Variants in ARSK observed in about 807,000 individuals in gnomAD.
The protein encoded by ARSK is arylsulfatase family member K.
ARSK carries 37 observed loss-of-function variants against 53.2 expected under a neutral mutation model. That is an observed-to-expected ratio of 0.70 (90% CI 0.54 to 0.92). The LOEUF is 0.92. Among genes scored for constraint, ARSK ranks in the 40% least tolerant of loss-of-function variants. The pLI, the probability that ARSK is intolerant of heterozygous loss-of-function variation, is 0.00. For synonymous variants in ARSK, 208 were observed against 223.2 expected, an observed-to-expected ratio of 0.93 and a Z score of 0.61; for missense variants, 613 against 643.0, an observed-to-expected ratio of 0.95 and a Z score of 0.51.
chr5:95,601,710 A>G (rs1347020064), intron 7 of ARSK, among the ~76,000 whole-genome samples: 1 of 152,226 alleles, frequency 6.6e-6, no homozygotes, highest in Non-Finnish European at 1.5e-5. Context: ...AATATGTGCT[A>G]AAGCCATAAG....
In ARSK at chr5:95,555,649, TACTG is replaced by T. The variant is rs1361019534; in HGVS notation, c.126+248_126+251del. Among the ~76,000 whole-genome samples, 1 of 152,178 alleles carries T rather than the reference TACTG, an allele frequency of 6.6e-6. No individual in the cohort carries two copies. ...ATCTTTGCAGATCTTTTTTTTTTAA[TACTG>T]ACCTCGATTCGCTAAATTATTTTAC... On this transcript the variant is annotated intron_variant, in intron 1 of 7. Coordinates refer to ENST00000380009, the MANE Select transcript of ARSK (RefSeq NM_198150.3). The surrounding 1 kb of genome is among the most constrained non-coding windows in gnomAD (Gnocchi z 4.0).
In ARSK at chr5:95,583,138, A is replaced by G. The variant is rs772415597; in HGVS notation, c.639A>G (p.Pro213=). ...GLNLPHPYPS[P]SSGENFGSST... ...ATTTACCACACCCTTACCCTTCACC[A>G]TCTTCTGGAGAAAATTTTGGATCTT... Residue 213 remains proline, a synonymous_variant, in exon 4 of 8, where the codon CCA becomes CCG. Transcript: ENST00000380009. 1.2e-6 allele frequency: 2 copies of G among 1,604,364 alleles called. No homozygotes were observed. The highest frequency in any genetic ancestry group is 2.7e-5 in the African/African-American group (2 of 74,766).
chr5:95,569,870 T>C (rs1748795722), intron 3 of ARSK, among the ~76,000 whole-genome samples: 1 of 152,226 alleles, frequency 6.6e-6, no homozygotes, highest in African/African-American at 2.4e-5. Context: ...CTCCAAAATC[T>C]AAAAGATGGC....
Position 95,555,894 on chromosome 5 carries a change from G to C in ARSK, c.126+490G>C, listed in dbSNP as rs1308768073. Among the ~76,000 whole-genome samples the C allele has an allele frequency of 6.6e-6, 1 of 152,182 alleles. No homozygotes were observed. The highest frequency in any genetic ancestry group is 6.5e-5 in the Admixed American group (1 of 15,286). ...TGTTAGTGCTGATTCAAATGGAATC[G>C]TTGGTATAACTTGATTCACTCCCCC... On this transcript the variant is annotated intron_variant, in intron 1 of 7. Coordinates refer to ENST00000380009, the MANE Select transcript of ARSK (RefSeq NM_198150.3). The surrounding 1 kb of genome is among the most constrained non-coding windows in gnomAD (Gnocchi z 4.0).
At chr5:95,588,148 A>G (rs1353911428) in intron 5 of ARSK, among the ~76,000 whole-genome samples, 1 of 152,154 alleles carries the variant, frequency 6.6e-6, no homozygotes, top group Non-Finnish European at 1.5e-5. Flanking sequence ...GAGTGTGGGA[A>G]TACTACTCTT....
At chr5:95,557,493 A>C (rs1186355142) in intron 1 of ARSK, among the ~76,000 whole-genome samples, 1 of 152,218 alleles carries the variant, frequency 6.6e-6, no homozygotes, top group Non-Finnish European at 1.5e-5. Flanking sequence ...TGTATATATC[A>C]ATGTGTTTGA....
chr5:95,595,907 G>A (rs529310898), intron 6 of ARSK, among the ~76,000 whole-genome samples: 3 of 152,094 alleles, frequency 2.0e-5, no homozygotes, highest in Non-Finnish European at 4.4e-5. Flanking sequence ...GAAAATGAAG[G>A]CTTTAAAACT....
chr5:95,555,184 G>A lies in ARSK; in HGVS notation c.-95G>A, dbSNP rs1748462128. 8.2e-7 allele frequency: 1 copy of A among 1,219,964 alleles called. No individual in the cohort carries two copies. Among genetic ancestry groups the A allele is most frequent in the Non-Finnish European group, 1.1e-6 (1 of 885,848 alleles). The allele number at this position is 1,219,964 out of a possible 1,614,324, so 75.6% of individuals were successfully genotyped here. A position where few individuals can be genotyped will look rare whatever the true frequency, so the allele number is the denominator to read the frequency against. On this transcript the variant is annotated 5_prime_UTR_variant, in exon 1 of 8. Coordinates refer to ENST00000380009, the MANE Select transcript of ARSK (RefSeq NM_198150.3). This position sits in a 1 kb window ranked among gnomAD's most constrained non-coding sequence, Gnocchi z 4.0. ...TCAAGCAACCAAACTGCAAGCTTTG[G>A]GAGTTGTTCGCTGTCCCTGCCCTGC...
Position 95,600,899 on chromosome 5 carries a change from G to C in ARSK, c.1149G>C (p.Pro383=). The change falls in exon 7 of 8, where the codon CCG becomes CCC. Residue 383 remains proline, a synonymous_variant. Coordinates refer to ENST00000380009, the MANE Select transcript of ARSK (RefSeq NM_198150.3). ...PQNLSGYSLL[P]LSSETFKNEH... is the part of the protein sequence containing the mutation. ...ACCTGAGTGGATACTCTTTGTTGCCGTTATCATCAGAAACATTTAAGAATG... is the reference window on the plus strand; with the variant it reads ...ACCTGAGTGGATACTCTTTGTTGCCCTTATCATCAGAAACATTTAAGAATG... 1 of 1,614,046 alleles carries C rather than the reference G, an allele frequency of 6.2e-7. No homozygotes were observed. The highest frequency in any genetic ancestry group is 8.5e-7 in the Non-Finnish European group (1 of 1,179,954).
At chr5:95,566,741 C>A (rs548149005) in intron 2 of ARSK, among the ~76,000 whole-genome samples, 1 of 152,264 alleles carries the variant, frequency 6.6e-6, no homozygotes, top group African/African-American at 2.4e-5. Context: ...TTTATAAATT[C>A]TATCTATTGT....
At chr5:95,592,088 A>G (rs1195930971) in intron 6 of ARSK, among the ~76,000 whole-genome samples, 2 of 152,256 alleles carry the variant, frequency 1.3e-5, no homozygotes, top group Non-Finnish European at 2.9e-5. Context: ...AAGCATAGCC[A>G]TATGTCTAGA....
Position 95,568,708 on chromosome 5 carries a change from C to G in ARSK, c.416+659C>G, listed in dbSNP as rs544080543. On this transcript the variant is annotated intron_variant, in intron 3 of 7. Coordinates refer to ENST00000380009, the MANE Select transcript of ARSK (RefSeq NM_198150.3). ...GAAAGGCCTGCTTGGAAGGTTGGCC[C>G]CTGTCTGGCATCTAGGAACTTGGAT... Among the ~76,000 whole-genome samples, 3 of 152,230 alleles carry G rather than the reference C, an allele frequency of 2.0e-5. No individual in the cohort carries two copies. The East Asian group carries it at 5.8e-4, about 29-fold the overall frequency.
chr5:95,578,521 CGATACAGA>C (rs1561364499), intron 3 of ARSK, among the ~76,000 whole-genome samples: 1 of 151,716 alleles, frequency 6.6e-6, no homozygotes, highest in East Asian at 1.9e-4. Context: ...TTTATTAGGT[CGATACAGA>C]GATTTGCAAG....
At position 95,556,114 on chromosome 5, in the gene ARSK, A is replaced by C. The variant is rs1181279106; in HGVS notation, c.126+710A>C. ...TTAATTGTAATATTAGTTTATTATCACTCGGTGTTACTGTGGTCACACAGA... is the reference window on the plus strand; with the variant it reads ...TTAATTGTAATATTAGTTTATTATCCCTCGGTGTTACTGTGGTCACACAGA... On this transcript the variant is annotated intron_variant, in intron 1 of 7. Coordinates refer to ENST00000380009, the MANE Select transcript of ARSK (RefSeq NM_198150.3). 8 of 664,226 alleles carry C rather than the reference A, an allele frequency of 1.2e-5. No individual in the cohort carries two copies. The East Asian group carries it at 2.2e-4, about 18-fold the overall frequency. The allele number at this position is 664,226 out of a possible 1,614,324, so 41.1% of individuals were successfully genotyped here. A position where few individuals can be genotyped will look rare whatever the true frequency, so the allele number is the denominator to read the frequency against.
At chr5:95,566,942 T>C (rs1748735225) in intron 2 of ARSK, among the ~76,000 whole-genome samples, 1 of 152,222 alleles carries the variant, frequency 6.6e-6, no homozygotes, top group African/African-American at 2.4e-5. Context: ...GAAACTAAAC[T>C]ATATTGTAAA....
chr5:95,599,821 C>T (rs1749368375), intron 6 of ARSK, among the ~76,000 whole-genome samples: 1 of 152,044 alleles, frequency 6.6e-6, no homozygotes, highest in East Asian at 1.9e-4. Flanking sequence ...CTTTAATTAA[C>T]CTGTTTTTGT....
rs966484756 is a variant in ARSK at position 95,583,081 on chromosome 5, C to T, written c.582C>T (p.Tyr194=). ...VNWLRKEAIN[Y]TEPFVIYLGL... ...GGTTAAGAAAGGAAGCAATTAATTACACTGAACCATTTGTTATTTACTTGG... is the reference window on the plus strand; with the variant it reads ...GGTTAAGAAAGGAAGCAATTAATTATACTGAACCATTTGTTATTTACTTGG... The change falls in exon 4 of 8, where the codon TAC becomes TAT. Residue 194 remains tyrosine, a synonymous_variant. Coordinates refer to ENST00000380009, the MANE Select transcript of ARSK (RefSeq NM_198150.3). 6.2e-7 allele frequency: 1 copy of T among 1,613,764 alleles called. No homozygotes were observed.
chr5:95,587,693 G>A (rs1580227148), intron 5 of ARSK, among the ~76,000 whole-genome samples: 1 of 152,262 alleles, frequency 6.6e-6, no homozygotes, highest in East Asian at 1.9e-4. Flanking sequence ...GATCACCTGA[G>A]GTCAGGAGTT....
In ARSK at chr5:95,591,396, T is replaced by A. The variant is rs772858297; in HGVS notation, c.872-5T>A. The A allele has an allele frequency of 1.9e-6, 3 of 1,596,750 alleles. No individual in the cohort carries two copies. Among genetic ancestry groups the A allele is most frequent in the Non-Finnish European group, 2.6e-6 (3 of 1,164,390 alleles). On this transcript the variant is annotated splice_polypyrimidine_tract_variant and splice_region_variant and intron_variant, in intron 5 of 7. Transcript: ENST00000380009. ...TTAATCGGTTTATCATGATTTCTATTGTAGGTGAAATTATTTTGGCCCTTC... is the reference window on the plus strand; with the variant it reads ...TTAATCGGTTTATCATGATTTCTATAGTAGGTGAAATTATTTTGGCCCTTC...
Sources: allele counts gnomAD v4.1 joint callset (sites outside exome capture counted in the v4.1 genomes callset), GRCh38; gene constraint gnomAD v4.1.1; non-coding constraint Gnocchi (gnomAD v3.1); transcripts MANE v1.5; gene names NCBI Gene and HGNC (gene_info 2026-07-23, HGNC 2026-07-21).